ARHGAP42: variants seen among roughly 807,000 people sequenced by gnomAD.
ARHGAP42 encodes the protein Rho GTPase activating protein 42.
ARHGAP42 carries 63 observed loss-of-function variants against 125.0 expected under a neutral mutation model. That is an observed-to-expected ratio of 0.50 (90% confidence interval 0.41 to 0.62). ARHGAP42 has a LOEUF of 0.62. Among genes scored for constraint, ARHGAP42 ranks in the 20% least tolerant of loss-of-function variants. The probability of loss-of-function intolerance (pLI) is 0.00; values close to 1 mark genes in which losing one functional copy is unlikely to be tolerated. For synonymous variants in ARHGAP42, 339 were observed against 351.0 expected (o/e 0.97, Z 0.38); for missense variants, 766 against 1,024.2 (o/e 0.75, Z 3.44).
At chr11:100,789,496 T>G (rs1434701378) in intron 2 of ARHGAP42, among the ~76,000 whole-genome samples, 3 of 152,150 alleles carry the variant, frequency 2.0e-5, no homozygotes, top group Non-Finnish European at 4.4e-5. Context: ...GAGTGAGCTG[T>G]GGGTGCAAGC....
intron 17 of ARHGAP42, among the ~76,000 whole-genome samples, chr11:100,966,789 C>T (rs552078411): frequency 5.9e-5 from 9 of 152,132 alleles, no homozygotes; most frequent in South Asian, 2.1e-4. Flanking sequence ...TATTTAAGCC[C>T]GAAGTGAGTT....
At chr11:100,878,291 G>T (rs573740458) in intron 4 of ARHGAP42, among the ~76,000 whole-genome samples, 239 of 151,928 alleles carry the variant, frequency 1.6e-3, no homozygotes, top group African/African-American at 5.6e-3. Flanking sequence ...ACCATGCCCG[G>T]CCTATTCCTT....
chr11:100,930,128 A>G (rs1488042067), intron 6 of ARHGAP42, among the ~76,000 whole-genome samples: 1 of 152,172 alleles, frequency 6.6e-6, no homozygotes, highest in Non-Finnish European at 1.5e-5. Context: ...TGTAGTTGTT[A>G]TTACGGTTAC....
chr11:100,817,077 C>T (rs1339578062), intron 3 of ARHGAP42, among the ~76,000 whole-genome samples: 3 of 152,156 alleles, frequency 2.0e-5, no homozygotes, highest in Admixed American at 6.5e-5. Flanking sequence ...ACTGACACTC[C>T]GGAATACAAT....
At chr11:100,951,996 A>G (rs1438430135) in intron 12 of ARHGAP42, among the ~76,000 whole-genome samples, 1 of 152,168 alleles carries the variant, frequency 6.6e-6, no homozygotes, top group African/African-American at 2.4e-5. Context: ...GTAGGCTTTT[A>G]TTACCCAAGG....
chr11:100,872,468 T>C lies in ARHGAP42; in HGVS notation c.384+12843T>C, dbSNP rs138079859. The stretch of plus-strand genomic sequence containing the variant: ...TGGAGTGCAGTGGTGCTATCTCAGT[T>C]CACTGCAACCTCTGCCTCCCAGGTT... On this transcript the variant is annotated intron_variant, in intron 4 of 23. Coordinates refer to ENST00000298815, the MANE Select transcript of ARHGAP42 (RefSeq NM_152432.4). 6.2e-3 allele frequency among the ~76,000 whole-genome samples: 951 copies of C among 152,250 alleles called. 12 individuals carry two copies. The highest frequency in any genetic ancestry group is 0.022 in the African/African-American group (902 of 41,546).
At chr11:100,958,312 G>T (rs570443408) in intron 12 of ARHGAP42, among the ~76,000 whole-genome samples, 2 of 152,016 alleles carry the variant, frequency 1.3e-5, no homozygotes, top group Non-Finnish European at 2.9e-5. Flanking sequence ...ATGTAGGTAG[G>T]TCATTAGCTG....
At position 100,991,640 on chromosome 11, in the gene ARHGAP42, A is replaced by G. The variant is rs1858834362; in HGVS notation, c.*2839A>G. On this transcript the variant is annotated 3_prime_UTR_variant, in exon 24 of 24. Coordinates refer to ENST00000298815, the MANE Select transcript of ARHGAP42 (RefSeq NM_152432.4). ...TAATGCTACCAAGTTTATGGAAACT[A>G]GTCAACTGAAGGATTTTTCTGTTGT... 1 of 152,184 alleles carries G rather than the reference A, an allele frequency of 6.6e-6. No homozygotes were observed. Among genetic ancestry groups the G allele is most frequent in the African/African-American group, 2.4e-5 (1 of 41,452 alleles). 9.4% of individuals were successfully genotyped at this position (152,184 alleles called of 1,614,324 possible).
intron 3 of ARHGAP42, among the ~76,000 whole-genome samples, chr11:100,817,553 A>G (rs954346589): frequency 6.6e-6 from 1 of 152,162 alleles, no homozygotes; most frequent in Non-Finnish European, 1.5e-5. Context: ...GTGCAAGTAT[A>G]ATCTTCTCCA....
At chr11:100,942,821 G>A (rs140108869) in intron 9 of ARHGAP42, among the ~76,000 whole-genome samples, 18 of 152,186 alleles carry the variant, frequency 1.2e-4, no homozygotes, top group African/African-American at 4.3e-4. Context: ...AACCTTAGTT[G>A]CTACCATCCT....
chr11:100,979,526 T>C (rs1788640119), intron 22 of ARHGAP42, among the ~76,000 whole-genome samples: 1 of 152,196 alleles, frequency 6.6e-6, no homozygotes, highest in African/African-American at 2.4e-5. Flanking sequence ...TCTCAGATTT[T>C]ACATTCCATT....
chr11:100,899,832 G>A (rs143444899), intron 4 of ARHGAP42, among the ~76,000 whole-genome samples: 233 of 150,424 alleles, frequency 1.5e-3, no homozygotes, highest in African/African-American at 5.3e-3. Flanking sequence ...CCTGAATACA[G>A]CACACTGATA....
intron 1 of ARHGAP42, among the ~76,000 whole-genome samples, chr11:100,714,867 G>A (rs888349619): frequency 2.6e-5 from 4 of 151,722 alleles, no homozygotes; most frequent in East Asian, 1.9e-4. Context: ...GCAGCATGGC[G>A]AAACCCTCTC....
At chr11:100,890,466 A>G (rs1490919281) in intron 4 of ARHGAP42, among the ~76,000 whole-genome samples, 2 of 152,174 alleles carry the variant, frequency 1.3e-5, no homozygotes, top group Non-Finnish European at 2.9e-5. Flanking sequence ...TAAGCGCTTC[A>G]TTAAGTACCA....
chr11:100,825,684 A>G (rs1281088292), intron 3 of ARHGAP42, among the ~76,000 whole-genome samples: 1 of 152,116 alleles, frequency 6.6e-6, no homozygotes, highest in East Asian at 1.9e-4. Context: ...TATTTTACGC[A>G]GCATGCTCCT....
chr11:100,880,202 C>T (rs1865924532), intron 4 of ARHGAP42, among the ~76,000 whole-genome samples: 1 of 152,142 alleles, frequency 6.6e-6, no homozygotes, highest in Non-Finnish European at 1.5e-5. Flanking sequence ...GCATCCATCA[C>T]CCAAGCAGTA....
intron 3 of ARHGAP42, among the ~76,000 whole-genome samples, chr11:100,820,812 G>A (rs1046285188): frequency 6.6e-6 from 1 of 151,946 alleles, no homozygotes; most frequent in African/African-American, 2.4e-5. Flanking sequence ...CTTTAAATAT[G>A]AATGCAGCTG....
intron 17 of ARHGAP42, among the ~76,000 whole-genome samples, chr11:100,970,676 G>C (rs898414553): frequency 1.3e-5 from 2 of 152,060 alleles, no homozygotes; most frequent in Non-Finnish European, 1.5e-5. Context: ...TTTAGCGAGA[G>C]AGTCAGAGTT....
intron 2 of ARHGAP42, among the ~76,000 whole-genome samples, chr11:100,771,754 A>G (rs1862985836): frequency 6.6e-6 from 1 of 151,900 alleles, no homozygotes; most frequent in Non-Finnish European, 1.5e-5. Flanking sequence ...ACCCGCCACC[A>G]TGCCTGGCTA....
Sources: gnomAD v4.1 joint callset for allele counts (sites outside exome capture counted in the v4.1 genomes callset) on GRCh38, gnomAD v4.1.1 for gene constraint, MANE v1.5 for transcripts, NCBI Gene and HGNC (gene_info 2026-07-23, HGNC 2026-07-21) for gene names.